Variants in TGIF2 observed in about 807,000 individuals in gnomAD.
TGIF2 encodes the protein homeobox protein TGIF2.
Under a neutral mutation model 15.1 loss-of-function variants are expected in TGIF2, and 5 were observed. The observed-to-expected ratio is 0.33, with a 90% CI of 0.17 to 0.70. TGIF2 has a LOEUF of 0.70. Ranked by LOEUF, TGIF2 falls within the 30% of genes least tolerant of loss-of-function variation. The pLI is 0.67. For missense variants in TGIF2, 264 were observed against 302.5 expected (o/e 0.87, Z 0.94); for synonymous variants, 131 against 128.9 (o/e 1.02, Z -0.11).
At chr20:36,579,732 G>A (rs2038506145) in intron 2 of TGIF2, among the ~76,000 whole-genome samples, 1 of 152,148 alleles carries the variant, frequency 6.6e-6, no homozygotes, top group African/African-American at 2.4e-5. Flanking sequence ...TCTGCCTCAC[G>A]TCTTGATTTC....
Position 36,591,204 on chromosome 20 carries a change from A to C in TGIF2, c.487A>C (p.Thr163Pro), listed in dbSNP as rs1305795840. Reference protein sequence around the residue: ...SPKPLVTPGSTLTLLTRAEAG... With the variant: ...SPKPLVTPGSPLTLLTRAEAG... ...CAAGCCCCTGGTGACCCCTGGTAGCACACTTACTCTGCTGACCAGGGCTGA... is the reference window on the plus strand; with the variant it reads ...CAAGCCCCTGGTGACCCCTGGTAGCCCACTTACTCTGCTGACCAGGGCTGA... The change falls in exon 3 of 3, where the codon ACA becomes CCA. Residue 163 changes from threonine (T) to proline (P), a missense_variant. Thr to Pro is a conservative substitution (Grantham distance 38). Coordinates refer to ENST00000373872, the MANE Select transcript of TGIF2 (RefSeq NM_021809.7). This position sits in a 1 kb window ranked among gnomAD's most constrained non-coding sequence, Gnocchi z 5.3. 1.2e-6 allele frequency: 2 copies of C among 1,614,180 alleles called. No individual in the cohort carries two copies. The highest frequency in any genetic ancestry group is 1.7e-6 in the Non-Finnish European group (2 of 1,180,004).
At chr20:36,585,301 C>G (rs151038692) in intron 2 of TGIF2, among the ~76,000 whole-genome samples, 1 of 151,848 alleles carries the variant, frequency 6.6e-6, no homozygotes, top group Admixed American at 6.6e-5. Context: ...AGTTGTAGAC[C>G]AGTCTGACCA....
At chr20:36,580,091 C>T (rs904795206) in intron 2 of TGIF2, among the ~76,000 whole-genome samples, 1 of 152,126 alleles carries the variant, frequency 6.6e-6, no homozygotes, top group African/African-American at 2.4e-5. Context: ...CCCCACTGCT[C>T]CCTTCCTGAG....
intron 1 of TGIF2, among the ~76,000 whole-genome samples, chr20:36,577,459 C>T (rs1373361893): frequency 6.6e-6 from 1 of 151,810 alleles, no homozygotes; most frequent in East Asian, 1.9e-4. Context: ...GAGCCACCCA[C>T]CTCGGCCTCC....
intron 1 of TGIF2, 22 bp downstream of exon 1, chr20:36,573,767 G>A (rs905922598): frequency 2.0e-5 from 3 of 152,116 alleles, no homozygotes; most frequent in African/African-American, 7.2e-5. Context: ...GAGCAGCAGA[G>A]GGCCAGATGG....
At chr20:36,590,721 C>T (rs1024052884) in intron 2 of TGIF2, among the ~76,000 whole-genome samples, 189 bp from the exon 3 acceptor site, 9 of 152,106 alleles carry the variant, frequency 5.9e-5, no homozygotes, top group African/African-American at 1.7e-4. Flanking sequence ...TGCACCACTA[C>T]ACCTGGCTAA....
chr20:36,591,616 T>C lies in TGIF2; in HGVS notation c.*185T>C, dbSNP rs1363303661. On this transcript the variant is annotated 3_prime_UTR_variant, in exon 3 of 3. Transcript: ENST00000373872. The surrounding 1 kb of genome is among the most constrained non-coding windows in gnomAD (Gnocchi z 5.3). ...GCACTGTGATGGGGGCCCTCTCCTC[T>C]GCTGACTCTGCCGTTTCTCCAGGCC... 1 of 605,608 alleles carries C rather than the reference T, an allele frequency of 1.7e-6. No homozygotes were observed. Among genetic ancestry groups the C allele is most frequent in the African/African-American group, 1.8e-5 (1 of 54,536 alleles). The allele number at this position is 605,608 out of a possible 1,614,324, so 37.5% of individuals were successfully genotyped here.
chr20:36,589,225 C>A (rs555087271), intron 2 of TGIF2, among the ~76,000 whole-genome samples: 1 of 152,114 alleles, frequency 6.6e-6, no homozygotes, highest in Non-Finnish European at 1.5e-5. Context: ...AATAGTCAGT[C>A]TCCATGACTA....
At chr20:36,580,438 A>G (rs1306265483) in intron 2 of TGIF2, among the ~76,000 whole-genome samples, 4 of 152,168 alleles carry the variant, frequency 2.6e-5, no homozygotes. Context: ...TGTGAGCCTC[A>G]TTATTCCCTC....
At chr20:36,587,044 G>A (rs1404176337) in intron 2 of TGIF2, among the ~76,000 whole-genome samples, 1 of 152,170 alleles carries the variant, frequency 6.6e-6, no homozygotes, top group African/African-American at 2.4e-5. Context: ...ACATCACAGA[G>A]TTCACTTTGA....
intron 2 of TGIF2, among the ~76,000 whole-genome samples, chr20:36,588,120 G>A (rs1026456868): frequency 6.6e-6 from 1 of 151,524 alleles, no homozygotes; most frequent in African/African-American, 2.4e-5. Flanking sequence ...CTAAAGCCAG[G>A]AGGCCTGGTT....
chr20:36,585,235 C>CACTTTGGGA lies in TGIF2; in HGVS notation c.193-5675_193-5674insACTTTGGGA, dbSNP rs1569532499. ...GAAAAAAGCTAGGCACAGTGTCTCA[C>CACTTTGGGA]GCCTGTAATCCCAACACTTTGGGAG... On this transcript the variant is annotated intron_variant, in intron 2 of 2. Transcript: ENST00000373872. Among the ~76,000 whole-genome samples the CACTTTGGGA allele has an allele frequency of 3.1e-4, 47 of 151,920 alleles. 1 individual carries two copies. In the South Asian group the frequency reaches 9.8e-3, roughly 32 times the overall value.
rs761538556 is a variant in TGIF2 at position 36,591,028 on chromosome 20, C to T, written c.311C>T (p.Ala104Val). ...SRRGGKASDV[A>V]LPRGSSPSVL... The stretch of plus-strand genomic sequence containing the variant: ...CGCGGGGGTAAGGCCTCAGATGTGG[C>T]CCTCCCCCGTGGCAGCAGCCCCTCA... Residue 104 changes from alanine (A) to valine (V), a missense_variant, in exon 3 of 3, where the codon GCC (alanine) becomes GTC (valine). Ala to Val is a moderately conservative substitution (Grantham distance 64). Coordinates refer to ENST00000373872, the MANE Select transcript of TGIF2 (RefSeq NM_021809.7). The surrounding 1 kb of genome is among the most constrained non-coding windows in gnomAD (Gnocchi z 5.3). 2.5e-6 allele frequency: 4 copies of T among 1,600,278 alleles called. No homozygotes were observed. The East Asian group carries it at 6.7e-5, about 27-fold the overall frequency.
chr20:36,574,941 T>A (rs2038393836), intron 1 of TGIF2: 1 of 153,346 alleles, frequency 6.5e-6, no homozygotes, highest in South Asian at 2.0e-4. Flanking sequence ...CGTGGGAGTC[T>A]GTAGGAGGGT....
In TGIF2 at chr20:36,591,421, A is replaced by G. The variant is rs770603578; in HGVS notation, c.704A>G (p.Asn235Ser). 4.4e-6 allele frequency: 7 copies of G among 1,605,986 alleles called. No homozygotes were observed. In the South Asian group the frequency reaches 6.6e-5, roughly 15 times the overall value. Residue 235 changes from asparagine to serine, a missense_variant, in exon 3 of 3, where the codon AAT (asparagine) becomes AGT (serine). Transcript: ENST00000373872. The surrounding 1 kb of genome is among the most constrained non-coding windows in gnomAD (Gnocchi z 5.3). ...ACTCCCATCCCTTTAGTCTCTGAAAATCCCCAGTAGGCATCTGCCAAGAAG... is the reference window on the plus strand; with the variant it reads ...ACTCCCATCCCTTTAGTCTCTGAAAGTCCCCAGTAGGCATCTGCCAAGAAG... Reference protein sequence around the residue: ...LHTPIPLVSENPQ With the variant: ...LHTPIPLVSESPQ
chr20:36,591,036 C>G lies in TGIF2; in HGVS notation c.319C>G (p.Arg107Gly), dbSNP rs765074141. 2 of 1,601,446 alleles carry G rather than the reference C, an allele frequency of 1.2e-6. No homozygotes were observed. The highest frequency in any genetic ancestry group is 1.1e-5 in the South Asian group (1 of 90,380). The change falls in exon 3 of 3, where the codon CGT becomes GGT. Residue 107 changes from arginine to glycine, a missense_variant. Arg to Gly is a moderately radical substitution (Grantham distance 125). Transcript: ENST00000373872. The surrounding 1 kb of genome is among the most constrained non-coding windows in gnomAD (Gnocchi z 5.3). The stretch of plus-strand genomic sequence containing the variant: ...TAAGGCCTCAGATGTGGCCCTCCCC[C>G]GTGGCAGCAGCCCCTCAGTGCTGGC... ...GGKASDVALP[R>G]GSSPSVLAVS...
At position 36,590,789 on chromosome 20, in the gene TGIF2, G is replaced by A. The variant is rs1370206092; in HGVS notation, c.193-121G>A. 3 of 1,126,732 alleles carry A rather than the reference G, an allele frequency of 2.7e-6. No individual in the cohort carries two copies. The African/African-American group carries it at 4.7e-5, about 17-fold the overall frequency. The allele number at this position is 1,126,732 out of a possible 1,614,324, so 69.8% of individuals were successfully genotyped here. ...GCCCAGGCTGGTCTTGAACTCCTGGGCTTAAGCAATCCTCCCGCCTTGGCC... is the reference window on the plus strand; with the variant it reads ...GCCCAGGCTGGTCTTGAACTCCTGGACTTAAGCAATCCTCCCGCCTTGGCC... On this transcript the variant is annotated intron_variant, in intron 2 of 2. Transcript: ENST00000373872.
chr20:36,575,185 C>T (rs1253604686), intron 1 of TGIF2, among the ~76,000 whole-genome samples: 1 of 151,886 alleles, frequency 6.6e-6, no homozygotes, highest in Non-Finnish European at 1.5e-5. Context: ...TCGGTGAAAA[C>T]CCTAGGGTTT....
intron 1 of TGIF2, among the ~76,000 whole-genome samples, chr20:36,575,051 G>A (rs2038396744): frequency 6.6e-6 from 1 of 152,074 alleles, no homozygotes; most frequent in African/African-American, 2.4e-5. Flanking sequence ...CGGAGAGATC[G>A]GGGGTGGCCG....
Sources: allele counts gnomAD v4.1 joint callset (sites outside exome capture counted in the v4.1 genomes callset), GRCh38; gene constraint gnomAD v4.1.1; non-coding constraint Gnocchi (gnomAD v3.1); transcripts MANE v1.5; gene names NCBI Gene and HGNC (gene_info 2026-07-23, HGNC 2026-07-21).